The following BIRC2 variants were observed in gnomAD, a reference collection of about 807,000 sequenced individuals.
The protein encoded by BIRC2 is baculoviral IAP repeat containing 2.
Under a neutral mutation model 60.9 loss-of-function variants are expected in BIRC2, and 18 were observed. That is an observed-to-expected ratio of 0.30 (90% CI 0.20 to 0.44). The LOEUF is 0.44. Ranked by LOEUF, BIRC2 falls within the 20% of genes least tolerant of loss-of-function variation. The pLI, the probability that BIRC2 is intolerant of heterozygous loss-of-function variation, is 1.00. For missense variants in BIRC2, 701 were observed against 728.5 expected (o/e 0.96, Z 0.43); for synonymous variants, 282 against 247.7 (o/e 1.14, Z -1.30).
In BIRC2 at chr11:102,362,986, T is replaced by G. The variant is rs1951502899; in HGVS notation, c.1074+12T>G. 7 of 1,570,130 alleles carry G rather than the reference T, an allele frequency of 4.5e-6. No homozygotes were observed. The highest frequency in any genetic ancestry group is 6.1e-6 in the Non-Finnish European group (7 of 1,142,596). ...ATCTTCTTGAACAGGTAAATACATT[T>G]TTAAAATTAACAACATTGAATTCTG... On this transcript the variant is annotated intron_variant, in intron 4 of 8. Coordinates refer to ENST00000227758, the MANE Select transcript of BIRC2 (RefSeq NM_001166.5).
At chr11:102,364,182 CACACAGAGAGAG>C (rs1951525108) in intron 5 of BIRC2, among the ~76,000 whole-genome samples, 1 of 86,580 alleles carries the variant, frequency 1.2e-5, no homozygotes, top group African/African-American at 6.1e-5. Context: ...TATACACACA[CACACAGAGAGAG>C]AGAGAGAGAG....
chr11:102,349,886 C>G lies in BIRC2; in HGVS notation c.32C>G (p.Pro11Arg). 6.2e-7 allele frequency: 1 copy of G among 1,611,188 alleles called. No homozygotes were observed. The highest frequency in any genetic ancestry group is 8.5e-7 in the Non-Finnish European group (1 of 1,178,084). The change falls in exon 2 of 9, where the codon CCA becomes CGA. Residue 11 changes from proline to arginine, a missense_variant. Physicochemically the swap from Pro to Arg is moderately radical, Grantham distance 103. Around this residue, in one of 4 missense-constraint regions of BIRC2, gnomAD observed 375 missense variants for 365.9 expected, o/e 1.02. Transcript: ENST00000227758. ...AAAACTGCCTCCCAAAGACTTTTCC[C>G]AGGTCCCTCGTATCAAAACATTAAG... MHKTASQRLF[P>R]GPSYQNIKSI...
At chr11:102,357,839 GTTTA>G (rs1951441086) in intron 3 of BIRC2, among the ~76,000 whole-genome samples, 1 of 151,760 alleles carries the variant, frequency 6.6e-6, no homozygotes. Flanking sequence ...AAATTACGGT[GTTTA>G]TTTAAGATTT....
At position 102,348,642 on chromosome 11, in the gene BIRC2, G is replaced by A; in HGVS notation, c.-1213G>A. 3.2e-6 allele frequency: 1 copy of A among 308,596 alleles called. No homozygotes were observed. The highest frequency in any genetic ancestry group is 6.3e-6 in the Non-Finnish European group (1 of 158,150). The allele number at this position is 308,596 out of a possible 1,614,324, so 19.1% of individuals were successfully genotyped here. Reference sequence around the variant, plus strand: ...CTCCCTATCCCTATTTTGTCCCCCTGCAGTAATAAATCCCATTATGGAGAT... The same window carrying A: ...CTCCCTATCCCTATTTTGTCCCCCTACAGTAATAAATCCCATTATGGAGAT... On this transcript the variant is annotated 5_prime_UTR_variant, in exon 2 of 9. Transcript: ENST00000227758.
At chr11:102,364,976 T>C (rs967956374) in intron 5 of BIRC2, among the ~76,000 whole-genome samples, 1 of 152,212 alleles carries the variant, frequency 6.6e-6, no homozygotes, top group African/African-American at 2.4e-5. Context: ...TTAAAATGAC[T>C]GTTTCTTGTT....
At chr11:102,367,921 C>G (rs368679932) in intron 5 of BIRC2, among the ~76,000 whole-genome samples, 3 of 152,212 alleles carry the variant, frequency 2.0e-5, no homozygotes, top group South Asian at 2.1e-4. Flanking sequence ...GATTTCCCCC[C>G]ACTTTCCTGG....
chr11:102,357,667 C>T (rs1385440206), intron 3 of BIRC2, among the ~76,000 whole-genome samples: 7 of 151,898 alleles, frequency 4.6e-5, no homozygotes, highest in East Asian at 3.9e-4. Flanking sequence ...TATTTATTTT[C>T]GTCTTCCTTT....
rs569443656 is a variant in BIRC2, at chr11:102,378,340, A to T, written c.*157A>T. ...TACTAATAATCTTGTTTCTGAAAAG[A>T]TGGTATCATATATTTAATCTTAATC... On this transcript the variant is annotated 3_prime_UTR_variant, in exon 9 of 9. Transcript: ENST00000227758. 1 of 573,160 alleles carries T rather than the reference A, an allele frequency of 1.7e-6. No individual in the cohort carries two copies. The highest frequency in any genetic ancestry group is 3.0e-5 in the East Asian group (1 of 32,928). 35.5% of individuals were successfully genotyped at this position (573,160 alleles called of 1,614,324 possible). A position where few individuals can be genotyped will look rare whatever the true frequency, so the allele number is the denominator to read the frequency against.
At chr11:102,360,716 G>T (rs1315508379) in intron 3 of BIRC2, among the ~76,000 whole-genome samples, 1 of 148,342 alleles carries the variant, frequency 6.7e-6, no homozygotes, top group African/African-American at 2.5e-5. Flanking sequence ...GTTTCTTGTG[G>T]CCTTGTGTTA....
intron 5 of BIRC2, among the ~76,000 whole-genome samples, chr11:102,367,857 TGTCCATCCTTCAA>T (rs753290917): frequency 5.9e-5 from 9 of 152,242 alleles, no homozygotes; most frequent in Admixed American, 3.9e-4. Flanking sequence ...GTCTAGACCC[TGTCCATCCTTCAA>T]GTCCAAACTC....
intron 3 of BIRC2, among the ~76,000 whole-genome samples, chr11:102,354,488 C>T (rs11605087): frequency 0.063 from 9,583 of 152,244 alleles, 342 homozygotes; most frequent in Non-Finnish European, 0.081. Flanking sequence ...TGAACCACCA[C>T]GCCCAGCCAG....
rs931401669 is a variant in BIRC2 at position 102,350,660 on chromosome 11, A to G, written c.806A>G (p.His269Arg). 4.3e-6 allele frequency: 7 copies of G among 1,614,002 alleles called. No homozygotes were observed. The highest frequency in any genetic ancestry group is 2.2e-5 in the South Asian group (2 of 91,090). ...ATTTCAAATCTGAGCATGCAGACAC[A>G]TGCAGCTCGAATGAGAACATTTATG... The part of the protein sequence containing the change: ...FSISNLSMQT[H>R]AARMRTFMYW... The change falls in exon 2 of 9, where the codon CAT (histidine) becomes CGT (arginine). Residue 269 changes from histidine (H) to arginine (R), a missense_variant. His to Arg is a conservative substitution (Grantham distance 29). Transcript: ENST00000227758.
intron 3 of BIRC2, among the ~76,000 whole-genome samples, chr11:102,359,344 T>A (rs958907549): frequency 8.5e-5 from 13 of 152,330 alleles, no homozygotes; most frequent in East Asian, 1.9e-4. Flanking sequence ...TACTTTTTTT[T>A]AAAAACCTGT....
Position 102,350,411 on chromosome 11 carries a change from C to G in BIRC2, c.557C>G (p.Ala186Gly). 1 of 1,614,170 alleles carries G rather than the reference C, an allele frequency of 6.2e-7. No homozygotes were observed. Among genetic ancestry groups the G allele is most frequent in the Non-Finnish European group, 8.5e-7 (1 of 1,180,028 alleles). ...AGTTATGCAATGAGTACTGAAGAAG[C>G]CAGATTTCTTACCTACCATATGTGG... ...PYSYAMSTEE[A>G]RFLTYHMWPL... is the part of the protein sequence containing the mutation. The change falls in exon 2 of 9, where the codon GCC becomes GGC. Residue 186 changes from alanine (A) to glycine (G), a missense_variant. This residue lies in a region of BIRC2 where 375 missense variants were observed against 365.9 expected (regional missense o/e 1.02). Transcript: ENST00000227758.
chr11:102,356,088 T>C (rs1039674242), intron 3 of BIRC2, among the ~76,000 whole-genome samples: 27 of 152,194 alleles, frequency 1.8e-4, no homozygotes, highest in Non-Finnish European at 1.5e-5. Flanking sequence ...GCCTTTTTCT[T>C]TTTCTTGCTT....
rs369631692 is a variant in BIRC2 at position 102,350,209 on chromosome 11, G to A, written c.355G>A (p.Ala119Thr). 28 of 1,614,086 alleles carry A rather than the reference G, an allele frequency of 1.7e-5. No homozygotes were observed. Among genetic ancestry groups the A allele is most frequent in the Middle Eastern group, 1.6e-4 (1 of 6,084 alleles). The change falls in exon 2 of 9, where the codon GCT becomes ACT. Residue 119 changes from alanine to threonine, a missense_variant. Coordinates refer to ENST00000227758, the MANE Select transcript of BIRC2 (RefSeq NM_001166.5). ...TAGCTTTATTCAGAATCTGGTTTCA[G>A]CTAGTCTGGGATCCACCTCTAAGAA... ...SCSFIQNLVS[A>T]SLGSTSKNTS... is the part of the protein sequence containing the mutation.
chr11:102,362,296 T>C (rs900326930), intron 3 of BIRC2, among the ~76,000 whole-genome samples: 4 of 152,224 alleles, frequency 2.6e-5, no homozygotes, highest in African/African-American at 9.6e-5. Context: ...GTATCATTTA[T>C]TGAAGAAACA....
intron 5 of BIRC2, among the ~76,000 whole-genome samples, chr11:102,364,459 G>C (rs1435684649): frequency 6.6e-6 from 1 of 152,070 alleles, no homozygotes; most frequent in Non-Finnish European, 1.5e-5. Flanking sequence ...AATTGGACTA[G>C]ATGTTAGGTA....
chr11:102,360,112 G>C (rs1318931525), intron 3 of BIRC2, among the ~76,000 whole-genome samples: 13 of 151,772 alleles, frequency 8.6e-5, no homozygotes, highest in Admixed American at 1.3e-4. Flanking sequence ...GACTACAGGT[G>C]TGCACCACCA....
Sources: gnomAD v4.1 joint callset for allele counts (sites outside exome capture counted in the v4.1 genomes callset) on GRCh38, gnomAD v4.1.1 for gene constraint, gnomAD v4.1.1 regional missense constraint, MANE v1.5 for transcripts, NCBI Gene and HGNC (gene_info 2026-07-23, HGNC 2026-07-21) for gene names.